The following ZNF385D variants were observed in gnomAD, a reference collection of about 807,000 sequenced individuals.
ZNF385D encodes the protein zinc finger protein 659.
In ZNF385D, 15 loss-of-function variants were observed where a neutral mutation model predicts 35.8. The observed-to-expected ratio is 0.42, with a 90% CI of 0.28 to 0.64. The LOEUF is 0.64. Ranked by LOEUF, ZNF385D falls within the 30% of genes least tolerant of loss-of-function variation. The probability of loss-of-function intolerance (pLI) is 0.23; values close to 1 mark genes in which losing one functional copy is unlikely to be tolerated. For synonymous variants in ZNF385D, 212 were observed against 186.8 expected (o/e 1.13, Z -1.10); for missense variants, 474 against 494.6 (o/e 0.96, Z 0.39).
At chr3:21,798,231 C>A (rs1333254143) in intron 3 of ZNF385D, among the ~76,000 whole-genome samples, 1 of 152,192 alleles carries the variant, frequency 6.6e-6, no homozygotes, top group African/African-American at 2.4e-5. Flanking sequence ...ACACACAACT[C>A]TCTCATGACA....
intron 2 of ZNF385D, among the ~76,000 whole-genome samples, chr3:21,648,605 A>G (rs1054104168): frequency 1.3e-5 from 2 of 152,160 alleles, no homozygotes; most frequent in African/African-American, 4.8e-5. Flanking sequence ...AAAAAGAACA[A>G]TTGCCAATTA....
intron 3 of ZNF385D, among the ~76,000 whole-genome samples, chr3:22,102,709 G>C (rs752104540): frequency 5.3e-5 from 8 of 151,740 alleles, no homozygotes; most frequent in Non-Finnish European, 1.2e-4. Context: ...ACTTAGAAGG[G>C]GTTTTAACTG....
At chr3:22,238,706 G>C (rs1302893040) in intron 2 of ZNF385D, among the ~76,000 whole-genome samples, 1 of 150,378 alleles carries the variant, frequency 6.6e-6, no homozygotes, top group African/African-American at 2.5e-5. Flanking sequence ...GTGTATATGT[G>C]GGTGTGTAAT....
intron 3 of ZNF385D, among the ~76,000 whole-genome samples, chr3:22,145,109 A>G (rs1028191457): frequency 3.9e-5 from 6 of 152,188 alleles, no homozygotes; most frequent in Non-Finnish European, 7.3e-5. Context: ...GTACATACAC[A>G]CATACATTTG....
intron 2 of ZNF385D, among the ~76,000 whole-genome samples, chr3:21,652,099 G>A (rs924111145): frequency 6.6e-5 from 10 of 152,090 alleles, no homozygotes; most frequent in Non-Finnish European, 1.0e-4. Context: ...ATGTATAAAC[G>A]TTTAAAGTAA....
intron 3 of ZNF385D, among the ~76,000 whole-genome samples, chr3:21,973,560 A>G (rs563624778): frequency 1.3e-5 from 2 of 152,094 alleles, no homozygotes; most frequent in South Asian, 4.1e-4. Flanking sequence ...TACTGGAAGT[A>G]CTAGCTAGAC....
intron 3 of ZNF385D, among the ~76,000 whole-genome samples, chr3:21,885,283 C>G (rs567093863): frequency 6.6e-6 from 1 of 152,010 alleles, no homozygotes; most frequent in African/African-American, 2.4e-5. Context: ...TCTTCCTTTA[C>G]TTGCTAACAT....
chr3:21,908,953 A>G (rs1230285295), intron 3 of ZNF385D, among the ~76,000 whole-genome samples: 1 of 152,070 alleles, frequency 6.6e-6, no homozygotes, highest in Non-Finnish European at 1.5e-5. Context: ...TAATAATCAC[A>G]AGTCTTATAG....
chr3:21,441,816 G>T, intron 4 of ZNF385D: 1 of 792,788 alleles, frequency 1.3e-6, no homozygotes, highest in Non-Finnish European at 1.5e-6. Context: ...AGATTTCTTT[G>T]CACTACTCTA....
intron 2 of ZNF385D, among the ~76,000 whole-genome samples, chr3:22,338,557 C>T (rs1187021561): frequency 6.6e-6 from 1 of 152,034 alleles, no homozygotes; most frequent in Admixed American, 6.6e-5. Flanking sequence ...ATAAGTTTAA[C>T]ATAAATAGCT....
At chr3:21,842,473 T>C (rs1248682075) in intron 3 of ZNF385D, among the ~76,000 whole-genome samples, 6 of 151,976 alleles carry the variant, frequency 3.9e-5, no homozygotes, top group South Asian at 2.1e-4. Flanking sequence ...AGGCCAGTGA[T>C]TGGTAATCAT....
intron 2 of ZNF385D, among the ~76,000 whole-genome samples, chr3:21,586,711 C>T (rs368205575): frequency 5.9e-5 from 9 of 151,772 alleles, no homozygotes; most frequent in Non-Finnish European, 1.3e-4. Flanking sequence ...TTTCCTGCAT[C>T]GCTGCAGAGT....
At chr3:22,363,474 T>A (rs915159197) in intron 2 of ZNF385D, among the ~76,000 whole-genome samples, 1 of 152,206 alleles carries the variant, frequency 6.6e-6, no homozygotes, top group Non-Finnish European at 1.5e-5. Flanking sequence ...CTTTATATTC[T>A]GTAAGTAAGA....
At chr3:22,140,783 C>T (rs1413674078) in intron 3 of ZNF385D, among the ~76,000 whole-genome samples, 1 of 152,134 alleles carries the variant, frequency 6.6e-6, no homozygotes, top group East Asian at 1.9e-4. Context: ...TATAAATTCT[C>T]AAGGTATGGC....
intron 2 of ZNF385D, among the ~76,000 whole-genome samples, chr3:22,288,481 T>G (rs780057095): frequency 6.6e-5 from 10 of 152,130 alleles, no homozygotes; most frequent in Non-Finnish European, 8.8e-5. Context: ...GACCTGTCTT[T>G]GAGTTCACTG....
intron 3 of ZNF385D, among the ~76,000 whole-genome samples, chr3:21,870,956 T>C (rs1051672902): frequency 6.6e-6 from 1 of 152,132 alleles, no homozygotes; most frequent in African/African-American, 2.4e-5. Flanking sequence ...TGAAGAGTAG[T>C]CAGAAGTAGA....
intron 3 of ZNF385D, among the ~76,000 whole-genome samples, chr3:21,843,881 A>G (rs1253756731): frequency 6.6e-6 from 1 of 151,990 alleles, no homozygotes; most frequent in African/African-American, 2.4e-5. Flanking sequence ...CAACCACTCC[A>G]TTCAAAGCAT....
intron 3 of ZNF385D, among the ~76,000 whole-genome samples, chr3:21,898,296 C>T (rs1255112107): frequency 1.3e-5 from 2 of 152,158 alleles, no homozygotes; most frequent in African/African-American, 4.8e-5. Flanking sequence ...CCCCTGAGAT[C>T]AAGCCTAATG....
At chr3:21,871,772 G>A (rs1575813071) in intron 3 of ZNF385D, among the ~76,000 whole-genome samples, 1 of 152,050 alleles carries the variant, frequency 6.6e-6, no homozygotes, top group African/African-American at 2.4e-5. Flanking sequence ...TTCGGAGGCT[G>A]AGGCAGGTGG....
Sources: gnomAD v4.1 joint callset for allele counts (sites outside exome capture counted in the v4.1 genomes callset) on GRCh38, gnomAD v4.1.1 for gene constraint, MANE v1.5 for transcripts, NCBI Gene and HGNC (gene_info 2026-07-23, HGNC 2026-07-21) for gene names.